The following ATP9A variants were observed in gnomAD, a reference collection of about 807,000 sequenced individuals.
ATP9A encodes the protein ATPase phospholipid transporting 9A.
A neutral mutation model predicts 144.1 loss-of-function variants in ATP9A; 52 were observed. That is an observed-to-expected ratio of 0.36 (90% CI 0.29 to 0.45). The LOEUF (loss-of-function observed/expected upper bound fraction) is 0.45, where lower values mean the gene tolerates loss of function less well. Ranked by LOEUF, ATP9A falls within the 20% of genes least tolerant of loss-of-function variation. The pLI is 1.00. For missense variants in ATP9A, 947 were observed against 1,392.7 expected (o/e 0.68, Z 5.09); for synonymous variants, 582 against 557.4 (o/e 1.04, Z -0.62).
At chr20:51,734,949 G>T in intron 1 of ATP9A, 1 of 208,298 alleles carries the variant, frequency 4.8e-6, no homozygotes, top group Non-Finnish European at 1.0e-5. Flanking sequence ...CACTGCTAAG[G>T]GTCTTAGGCT....
At chr20:51,658,711 G>T (rs187830310) in intron 13 of ATP9A, among the ~76,000 whole-genome samples, 4 of 151,416 alleles carry the variant, frequency 2.6e-5, no homozygotes, top group Admixed American at 1.3e-4. Flanking sequence ...GTAGAGATGG[G>T]GTTTCACCAT....
Position 51,611,771 on chromosome 20 carries a change from A to C in ATP9A, c.2572-1606T>G, listed in dbSNP as rs742753. Among the ~76,000 whole-genome samples, 71,459 of 152,042 alleles carry C rather than the reference A, an allele frequency of 0.47. 17,120 individuals are homozygous for C. The highest frequency in any genetic ancestry group is 0.56 in the African/African-American group (23,067 of 41,468). On this transcript the variant is annotated intron_variant, in intron 23 of 27. Coordinates refer to ENST00000338821, the MANE Select transcript of ATP9A (RefSeq NM_006045.3). The surrounding 1 kb of genome is among the most constrained non-coding windows in gnomAD (Gnocchi z 4.2). ...ACAGCATTATCCTGTTCAATTGGTG[A>C]GTTAACATAAAAGTACAGATGTGGT...
chr20:51,763,287 G>GT (rs201691075), intron 1 of ATP9A, among the ~76,000 whole-genome samples: 12 of 149,058 alleles, frequency 8.1e-5, no homozygotes, highest in East Asian at 7.9e-4. Context: ...CATACACCTG[G>GT]TTTTTTTTTA....
rs1414134690 is a variant in ATP9A at position 51,610,176 on chromosome 20, G to C, written c.2572-11C>G. On this transcript the variant is annotated splice_polypyrimidine_tract_variant and intron_variant, in intron 23 of 27. Coordinates refer to ENST00000338821, the MANE Select transcript of ATP9A (RefSeq NM_006045.3). ...GGAGGAAAAGACAGCCTGTGCCAAG[G>C]AGAGAGGAGGATGTCACCAAAAGTC... The C allele has an allele frequency of 6.3e-7, 1 of 1,599,630 alleles. No individual in the cohort carries two copies. Among genetic ancestry groups the C allele is most frequent in the Admixed American group, 1.7e-5 (1 of 59,960 alleles).
chr20:51,745,361 G>A (rs572403976), intron 1 of ATP9A, among the ~76,000 whole-genome samples: 1 of 151,752 alleles, frequency 6.6e-6, no homozygotes, highest in African/African-American at 2.4e-5. Context: ...CTTGAACCCA[G>A]GAGGAAGAAG....
chr20:51,748,880 C>G (rs1474530671), intron 1 of ATP9A, among the ~76,000 whole-genome samples: 2 of 151,212 alleles, frequency 1.3e-5, no homozygotes, highest in African/African-American at 4.9e-5. Flanking sequence ...AGATCAAGAC[C>G]AGCCTGGGTG....
At chr20:51,700,165 G>A (rs2077587478) in intron 4 of ATP9A, among the ~76,000 whole-genome samples, 1 of 152,158 alleles carries the variant, frequency 6.6e-6, no homozygotes, top group Non-Finnish European at 1.5e-5. Context: ...CTTTCATTAT[G>A]TCTTGGGCTT....
chr20:51,655,362 G>C (rs1296662353), intron 14 of ATP9A, among the ~76,000 whole-genome samples: 1 of 152,126 alleles, frequency 6.6e-6, no homozygotes, highest in Admixed American at 6.5e-5. Context: ...GATGGAGCCG[G>C]GAAGATCGTG....
chr20:51,618,886 G>A (rs1343208851), intron 20 of ATP9A, 68 bp downstream of exon 20: 15 of 1,596,200 alleles, frequency 9.4e-6, no homozygotes, highest in Non-Finnish European at 1.3e-5. Flanking sequence ...AGCCTGCAGT[G>A]CCCCTGCCGA....
At chr20:51,766,583 T>G (rs1357165248) in intron 1 of ATP9A, among the ~76,000 whole-genome samples, 1 of 152,166 alleles carries the variant, frequency 6.6e-6, no homozygotes, top group Admixed American at 6.5e-5. Flanking sequence ...GACTCACGCC[T>G]GTAATCCCAG....
chr20:51,675,656 G>A (rs1218038248), intron 10 of ATP9A, among the ~76,000 whole-genome samples: 1 of 152,172 alleles, frequency 6.6e-6, no homozygotes, highest in Non-Finnish European at 1.5e-5. Flanking sequence ...GAGGAGGGAG[G>A]ATCACTTGAT....
chr20:51,704,182 T>TA (rs11086355), intron 4 of ATP9A, among the ~76,000 whole-genome samples: 16,704 of 130,438 alleles, frequency 0.13, 1,127 homozygotes, highest in South Asian at 0.2. Context: ...AGTGGGAACT[T>TA]AAAAAAAAAA....
rs898378543 is a variant in ATP9A, at chr20:51,707,773, G to A, written c.436+5193C>T. ...ACGCCTCACTGGATTATAACTTCCT[G>A]GGACCCCAGGCTCTCACGTTCATCT... is the stretch of plus-strand genomic sequence containing the variant. On this transcript the variant is annotated intron_variant, in intron 4 of 27. Coordinates refer to ENST00000338821, the MANE Select transcript of ATP9A (RefSeq NM_006045.3). Among the ~76,000 whole-genome samples, 4 of 152,226 alleles carry A rather than the reference G, an allele frequency of 2.6e-5. No individual in the cohort carries two copies. In the East Asian group the frequency reaches 7.7e-4, roughly 29 times the overall value.
rs34209501 is a variant in ATP9A, at chr20:51,762,705, C to CTTTTTTT, written c.68+5590_68+5596dup. On this transcript the variant is annotated intron_variant, in intron 1 of 27. Coordinates refer to ENST00000338821, the MANE Select transcript of ATP9A (RefSeq NM_006045.3). Reference sequence around the variant, plus strand: ...TTTAAGGTGATATATCCACAAATGGCTTTTTTTTTTTTTTTTTTTTTTGAG... The same window carrying CTTTTTTT: ...TTTAAGGTGATATATCCACAAATGGCTTTTTTTTTTTTTTTTTTTTTTTTTTTTTGAG... 7.1e-5 allele frequency among the ~76,000 whole-genome samples: 6 copies of CTTTTTTT among 84,502 alleles called. 1 individual carries two copies. Among genetic ancestry groups the CTTTTTTT allele is most frequent in the African/African-American group, 2.5e-4 (5 of 19,778 alleles). The allele number at this position is 84,502 out of a possible 152,430, so 55.4% of individuals were successfully genotyped here.
chr20:51,766,491 G>C (rs2077904252), intron 1 of ATP9A, among the ~76,000 whole-genome samples: 2 of 152,108 alleles, frequency 1.3e-5, no homozygotes, highest in Non-Finnish European at 2.9e-5. Context: ...ATTTACGGAG[G>C]ATGTACGATG....
At chr20:51,766,535 C>A (rs536415703) in intron 1 of ATP9A, among the ~76,000 whole-genome samples, 1 of 152,220 alleles carries the variant, frequency 6.6e-6, no homozygotes, top group Admixed American at 6.6e-5. Flanking sequence ...GTGTTCAAGT[C>A]AATTGTCATC....
chr20:51,606,093 C>T (rs2077162489), intron 26 of ATP9A, among the ~76,000 whole-genome samples: 1 of 151,872 alleles, frequency 6.6e-6, no homozygotes, highest in African/African-American at 2.4e-5. Flanking sequence ...CATGGTGAAA[C>T]CCCCGCCTCT....
chr20:51,618,274 C>CACAATTATTA (rs2077211652), intron 21 of ATP9A, among the ~76,000 whole-genome samples: 1 of 151,614 alleles, frequency 6.6e-6, no homozygotes, highest in Non-Finnish European at 1.5e-5. Context: ...TTAAGGAAGC[C>CACAATTATTA]ACAATTATTA....
rs777024718 is a variant in ATP9A at position 51,669,984 on chromosome 20, T to C, written c.1293+13A>G. The C allele has an allele frequency of 2.4e-5, 38 of 1,593,384 alleles. No homozygotes were observed. The Middle Eastern group carries it at 2.7e-3, about 111-fold the overall frequency. On this transcript the variant is annotated intron_variant, in intron 13 of 27. Transcript: ENST00000338821. The stretch of plus-strand genomic sequence containing the variant: ...CAAAGAATTGTTTTGGGTGTTGAAA[T>C]GGAAGGCTTTACCTGGGTGTAAATG...
Sources: allele counts gnomAD v4.1 joint callset (sites outside exome capture counted in the v4.1 genomes callset), GRCh38; gene constraint gnomAD v4.1.1; non-coding constraint Gnocchi (gnomAD v3.1); transcripts MANE v1.5; gene names NCBI Gene and HGNC (gene_info 2026-07-23, HGNC 2026-07-21).